CSMD1: variants seen among roughly 807,000 people sequenced by gnomAD.
The protein encoded by CSMD1 is CUB and sushi domain-containing protein 1.
A neutral mutation model predicts 417.5 loss-of-function variants in CSMD1; 213 were observed. The ratio of observed to expected loss-of-function variants is 0.51; its 90% CI spans 0.46 to 0.57. The LOEUF (loss-of-function observed/expected upper bound fraction) is 0.57. Ranked by LOEUF, CSMD1 falls within the 20% of genes least tolerant of loss-of-function variation. The probability of loss-of-function intolerance (pLI) is 0.00; values close to 1 mark genes in which losing one functional copy is unlikely to be tolerated. For missense variants in CSMD1, 6,923 were observed against 4,529.7 expected (o/e 1.53, Z -15.17); for synonymous variants, 2,862 against 1,736.8 (o/e 1.65, Z -16.11).
intron 10 of CSMD1, among the ~76,000 whole-genome samples, chr8:3,516,462 G>A (rs1047704420): frequency 1.3e-5 from 2 of 152,162 alleles, no homozygotes; most frequent in Admixed American, 1.3e-4. Flanking sequence ...AGTCATTGGA[G>A]TTGCCACTTC....
At chr8:3,677,008 T>C (rs927669319) in intron 7 of CSMD1, among the ~76,000 whole-genome samples, 3 of 150,986 alleles carry the variant, frequency 2.0e-5, no homozygotes, top group African/African-American at 7.3e-5. Context: ...TGTTGCGGGG[T>C]TGGGGGCAAG....
chr8:3,692,517 C>T (rs1302157018), intron 7 of CSMD1, among the ~76,000 whole-genome samples: 2 of 152,056 alleles, frequency 1.3e-5, no homozygotes, highest in South Asian at 2.1e-4. Flanking sequence ...TATCGGCTCA[C>T]TACAACCTTC....
rs778306349 is a variant in CSMD1 at position 4,994,312 on chromosome 8, C to G, written c.85+20G>C. 1 of 1,606,398 alleles carries G rather than the reference C, an allele frequency of 6.2e-7. No homozygotes were observed. The highest frequency in any genetic ancestry group is 2.2e-5 in the East Asian group (1 of 44,810). ...CCGAGGGCTCTACCGCCTCCCCGGCCAGGAGCAAGTCCGTCTTACCCTTCG... is the reference window on the plus strand; with the variant it reads ...CCGAGGGCTCTACCGCCTCCCCGGCGAGGAGCAAGTCCGTCTTACCCTTCG... On this transcript the variant is annotated intron_variant, in intron 1 of 69. Coordinates refer to ENST00000635120, the MANE Select transcript of CSMD1 (RefSeq NM_033225.6).
chr8:3,170,555 T>C (rs1820525481), intron 37 of CSMD1, among the ~76,000 whole-genome samples: 1 of 152,210 alleles, frequency 6.6e-6, no homozygotes, highest in African/African-American at 2.4e-5. Context: ...TACCCTCCCA[T>C]AGCACAGAAT....
intron 22 of CSMD1, among the ~76,000 whole-genome samples, 166 bp from the exon 23 acceptor site, chr8:3,343,616 G>C (rs2117613765): frequency 6.6e-6 from 1 of 152,236 alleles, no homozygotes; most frequent in Admixed American, 6.5e-5. Flanking sequence ...AATCATATTT[G>C]TTCTTTAAAT....
intron 3 of CSMD1, among the ~76,000 whole-genome samples, chr8:4,177,690 A>G (rs1268603841): frequency 6.9e-6 from 1 of 143,944 alleles, no homozygotes; most frequent in African/African-American, 2.6e-5. Flanking sequence ...TAGCAAGACT[A>G]ACAAAGAAAA....
At chr8:4,086,553 G>A (rs963164148) in intron 3 of CSMD1, among the ~76,000 whole-genome samples, 9 of 152,094 alleles carry the variant, frequency 5.9e-5, no homozygotes, top group Non-Finnish European at 1.2e-4. Flanking sequence ...TTAAAATAGG[G>A]CCCACAGAGT....
intron 7 of CSMD1, chr8:3,702,032 C>G (rs1800899594): frequency 1.3e-5 from 2 of 151,850 alleles, no homozygotes; most frequent in Admixed American, 6.6e-5. Flanking sequence ...AAACAAAGAG[C>G]AAGGAAGTGA....
intron 5 of CSMD1, among the ~76,000 whole-genome samples, chr8:3,892,399 A>T (rs979758269): frequency 1.3e-5 from 2 of 152,116 alleles, no homozygotes; most frequent in Non-Finnish European, 2.9e-5. Context: ...ACCTACACAG[A>T]TCATCAAGGA....
At chr8:3,157,031 C>T (rs1051805515) in intron 39 of CSMD1, among the ~76,000 whole-genome samples, 1 of 148,494 alleles carries the variant, frequency 6.7e-6, no homozygotes. Flanking sequence ...TAATAGCATT[C>T]GCAGAGGAAG....
At chr8:3,896,945 C>A (rs1361489518) in intron 5 of CSMD1, among the ~76,000 whole-genome samples, 1 of 151,770 alleles carries the variant, frequency 6.6e-6, no homozygotes, top group Non-Finnish European at 1.5e-5. Context: ...GTCATCAATA[C>A]CCCTAATGAA....
At chr8:4,852,559 A>G (rs565136879) in intron 1 of CSMD1, among the ~76,000 whole-genome samples, 13 of 152,278 alleles carry the variant, frequency 8.5e-5, no homozygotes, top group African/African-American at 2.4e-4. Context: ...ATGGAAATTC[A>G]AAAACAGCCT....
At chr8:4,748,566 T>C (rs1811104303) in intron 1 of CSMD1, among the ~76,000 whole-genome samples, 1 of 152,212 alleles carries the variant, frequency 6.6e-6, no homozygotes, top group African/African-American at 2.4e-5. Flanking sequence ...TCAGGATTAT[T>C]GGGTTCAGCA....
chr8:3,399,689 A>C (rs981793730), intron 15 of CSMD1, among the ~76,000 whole-genome samples, 160 bp from the exon 16 acceptor site: 2 of 152,196 alleles, frequency 1.3e-5, no homozygotes, highest in Non-Finnish European at 2.9e-5. Flanking sequence ...CATTTATTGA[A>C]AGCAGGGTCT....
chr8:3,752,149 A>C (rs996725473), intron 6 of CSMD1, among the ~76,000 whole-genome samples: 5 of 152,182 alleles, frequency 3.3e-5, no homozygotes, highest in Admixed American at 6.5e-5. Context: ...CTACAGCCAC[A>C]GTATATGGCA....
intron 5 of CSMD1, among the ~76,000 whole-genome samples, chr8:3,882,516 C>T (rs1456758326): frequency 6.6e-6 from 1 of 152,176 alleles, no homozygotes; most frequent in East Asian, 1.9e-4. Context: ...CTCGGTTGAG[C>T]ACATGCATAC....
intron 2 of CSMD1, among the ~76,000 whole-genome samples, chr8:4,608,421 A>G (rs988026422): frequency 6.6e-6 from 1 of 152,178 alleles, no homozygotes; most frequent in African/African-American, 2.4e-5. Context: ...TCTATCTTGA[A>G]AGTGGACTTG....
chr8:3,060,911 T>C (rs557946203), intron 49 of CSMD1, among the ~76,000 whole-genome samples: 1 of 152,196 alleles, frequency 6.6e-6, no homozygotes, highest in African/African-American at 2.4e-5. Context: ...GGAGGAGAGA[T>C]GCTGTGGGTA....
chr8:3,259,078 T>A (rs569127761), intron 26 of CSMD1, among the ~76,000 whole-genome samples: 140 of 152,318 alleles, frequency 9.2e-4, no homozygotes, highest in African/African-American at 3.0e-3. Flanking sequence ...CTGCTACTTA[T>A]ATATAAAGCA....
Sources: allele counts gnomAD v4.1 joint callset (sites outside exome capture counted in the v4.1 genomes callset), GRCh38; gene constraint gnomAD v4.1.1; transcripts MANE v1.5; gene names NCBI Gene and HGNC (gene_info 2026-07-23, HGNC 2026-07-21).